Variants in GLI2 observed in about 807,000 individuals in gnomAD.
GLI2 encodes the protein transcription activator GLI2.
GLI2 carries 22 observed loss-of-function variants against 78.9 expected under a neutral mutation model. The observed-to-expected ratio is 0.28, with a 90% CI of 0.20 to 0.40. GLI2 has a LOEUF of 0.40. Among genes scored for constraint, GLI2 ranks in the 10% least tolerant of loss-of-function variants. The pLI is 1.00. For missense variants in GLI2, 2,097 were observed against 2,213.2 expected (o/e 0.95, Z 1.05); for synonymous variants, 974 against 963.7 (o/e 1.01, Z -0.20).
At chr2:120,833,811 C>T (rs1558823156) in intron 2 of GLI2, among the ~76,000 whole-genome samples, 1 of 152,198 alleles carries the variant, frequency 6.6e-6, no homozygotes, top group Non-Finnish European at 1.5e-5. Context: ...AGCATTTGAA[C>T]TTAAGATTTG....
intron 2 of GLI2, among the ~76,000 whole-genome samples, chr2:120,922,384 G>C (rs1467560267): frequency 1.3e-5 from 2 of 152,136 alleles, no homozygotes; most frequent in Non-Finnish European, 2.9e-5. Context: ...GGCAAACACT[G>C]TGCTACTGTA....
At chr2:120,912,890 G>A (rs1222677633) in intron 2 of GLI2, among the ~76,000 whole-genome samples, 1 of 152,204 alleles carries the variant, frequency 6.6e-6, no homozygotes, top group African/African-American at 2.4e-5. Context: ...TGGAAGGGTG[G>A]GGAGAGAGGC....
intron 1 of GLI2, among the ~76,000 whole-genome samples, chr2:120,796,283 A>G (rs1684389000): frequency 6.6e-6 from 1 of 151,936 alleles, no homozygotes; most frequent in Non-Finnish European, 1.5e-5. Context: ...AACCATGTCC[A>G]TGTTTCACCA....
At chr2:120,970,312 G>C (rs1367897923) in intron 6 of GLI2, 81 bp from the exon 7 acceptor site, 1 of 785,656 alleles carries the variant, frequency 1.3e-6, no homozygotes, top group Non-Finnish European at 2.3e-6. Flanking sequence ...CCCTGGGCAA[G>C]GTTCTCTCTG....
At chr2:120,983,795 C>T (rs1032188200) in intron 11 of GLI2, among the ~76,000 whole-genome samples, 1 of 152,196 alleles carries the variant, frequency 6.6e-6, no homozygotes, top group African/African-American at 2.4e-5. Context: ...GGACTTTGCT[C>T]CAATGCTTGT....
chr2:120,957,483 ACAG>A (rs1264709838), intron 5 of GLI2, among the ~76,000 whole-genome samples: 1 of 152,232 alleles, frequency 6.6e-6, no homozygotes, highest in Non-Finnish European at 1.5e-5. Context: ...TAGAAACCAA[ACAG>A]CAGCAACCGA....
chr2:120,970,701 C>T lies in GLI2; in HGVS notation c.1059+95C>T. On this transcript the variant is annotated intron_variant, in intron 7 of 13. Coordinates refer to ENST00000361492, the MANE Select transcript of GLI2 (RefSeq NM_001374353.1). The stretch of plus-strand genomic sequence containing the variant: ...GCTCATGCTAAGAACTTGTGGAGGG[C>T]CTCTGGATTTACGTCTGGCCGCTAG... The T allele has an allele frequency of 9.3e-6, 10 of 1,080,012 alleles. No homozygotes were observed. In the South Asian group the frequency reaches 1.3e-4, roughly 14 times the overall value. 66.9% of individuals were successfully genotyped at this position (1,080,012 alleles called of 1,614,324 possible).
At chr2:120,939,445 T>G (rs776652049) in intron 3 of GLI2, among the ~76,000 whole-genome samples, 2 of 152,200 alleles carry the variant, frequency 1.3e-5, no homozygotes, top group Non-Finnish European at 2.9e-5. Flanking sequence ...CCACCATTCT[T>G]TGGGATTCAG....
intron 3 of GLI2, among the ~76,000 whole-genome samples, chr2:120,943,357 G>A (rs1680555795): frequency 6.6e-6 from 1 of 152,200 alleles, no homozygotes; most frequent in Admixed American, 6.5e-5. Flanking sequence ...AGGCAAGCAT[G>A]GCCAAGGACC....
At chr2:120,978,708 T>G (rs1682578810) in intron 10 of GLI2, 125 bp downstream of exon 10, 3 of 1,056,618 alleles carry the variant, frequency 2.8e-6, no homozygotes, top group Admixed American at 4.2e-5. Context: ...CAGCAGGGGC[T>G]CTGGGACAGG....
chr2:120,754,231 T>A (rs1183002337), intron 1 of GLI2, among the ~76,000 whole-genome samples: 2 of 152,186 alleles, frequency 1.3e-5, no homozygotes, highest in African/African-American at 4.8e-5. Flanking sequence ...TCTGCCCATA[T>A]CCACATCAAC....
intron 2 of GLI2, among the ~76,000 whole-genome samples, chr2:120,871,161 A>G (rs959492697): frequency 2.0e-5 from 3 of 152,262 alleles, no homozygotes; most frequent in African/African-American, 7.2e-5. Flanking sequence ...ACACTGACTC[A>G]GGCAGCAGCC....
At chr2:120,789,496 A>T (rs897823172) in intron 1 of GLI2, among the ~76,000 whole-genome samples, 3 of 152,144 alleles carry the variant, frequency 2.0e-5, no homozygotes, top group African/African-American at 7.2e-5. Flanking sequence ...GCCACAGGGC[A>T]GACTGGATGG....
chr2:120,835,103 G>A (rs1166939725), intron 2 of GLI2, among the ~76,000 whole-genome samples: 2 of 152,212 alleles, frequency 1.3e-5, no homozygotes, highest in Non-Finnish European at 2.9e-5. Context: ...CTCTCTGAGG[G>A]AAGGAAAGTG....
intron 2 of GLI2, among the ~76,000 whole-genome samples, chr2:120,843,953 C>T (rs941653973): frequency 8.5e-5 from 13 of 152,190 alleles, no homozygotes; most frequent in African/African-American, 3.1e-4. Flanking sequence ...AGGCGTGAGA[C>T]ACCGTGCCTG....
intron 2 of GLI2, among the ~76,000 whole-genome samples, chr2:120,924,539 A>C (rs1015303804): frequency 5.2e-4 from 23 of 43,986 alleles, no homozygotes; most frequent in Admixed American, 1.0e-3. Context: ...AAACATTTAG[A>C]AATACACACA....
intron 10 of GLI2, among the ~76,000 whole-genome samples, chr2:120,981,163 G>A (rs1247310091): frequency 6.6e-6 from 1 of 152,218 alleles, no homozygotes; most frequent in Non-Finnish European, 1.5e-5. Context: ...TTACAGGCGT[G>A]AGCCACCACG....
At chr2:120,828,753 G>A (rs1686206293) in intron 2 of GLI2, among the ~76,000 whole-genome samples, 1 of 150,196 alleles carries the variant, frequency 6.7e-6, no homozygotes, top group East Asian at 2.0e-4. Context: ...AAACAAAACG[G>A]TAAAATGAAA....
At chr2:120,747,185 C>T (rs938119983) in intron 1 of GLI2, among the ~76,000 whole-genome samples, 1 of 152,220 alleles carries the variant, frequency 6.6e-6, no homozygotes, top group African/African-American at 2.4e-5. Context: ...AATGGAGTTC[C>T]AGCAGTATGT....
Sources: allele counts gnomAD v4.1 joint callset (sites outside exome capture counted in the v4.1 genomes callset), GRCh38; gene constraint gnomAD v4.1.1; transcripts MANE v1.5; gene names NCBI Gene and HGNC (gene_info 2026-07-23, HGNC 2026-07-21).